Variants in UBE2J2 observed in about 807,000 individuals in gnomAD.
UBE2J2 encodes ubiquitin conjugating enzyme E2 J2.
UBE2J2 carries 5 observed loss-of-function variants against 28.6 expected under a neutral mutation model. The observed-to-expected ratio is 0.17, with a 90% CI of 0.09 to 0.37. The LOEUF (loss-of-function observed/expected upper bound fraction) is 0.37. Among genes scored for constraint, UBE2J2 ranks in the 10% least tolerant of loss-of-function variants. UBE2J2 has a pLI of 1.00. For missense variants in UBE2J2, 226 were observed against 338.9 expected, an observed-to-expected ratio of 0.67 and a Z score of 2.62; for synonymous variants, 138 against 139.7, an observed-to-expected ratio of 0.99 and a Z score of 0.09.
intron 2 of UBE2J2, chr1:1,267,643 T>G (rs1220954857): frequency 4.1e-6 from 5 of 1,222,476 alleles, no homozygotes; most frequent in Non-Finnish European, 5.3e-6. Flanking sequence ...AGCCCCAGCC[T>G]GAGTCAAGCA....
intron 2 of UBE2J2, among the ~76,000 whole-genome samples, chr1:1,267,554 C>T (rs1001714214): frequency 3.9e-5 from 6 of 152,214 alleles, no homozygotes; most frequent in Non-Finnish European, 7.3e-5. Flanking sequence ...GGACCCCACA[C>T]CAGAGACTCT....
At chr1:1,272,786 G>C in intron 1 of UBE2J2, 1 of 158,018 alleles carries the variant, frequency 6.3e-6, no homozygotes, top group South Asian at 1.4e-4. Context: ...ATGACGGACT[G>C]CAAGTTCCGG....
intron 2 of UBE2J2, among the ~76,000 whole-genome samples, chr1:1,265,564 C>CGTGTGTGTGTGTGTGTGT (rs112951404): frequency 1.1e-4 from 16 of 143,236 alleles, no homozygotes; most frequent in African/African-American, 3.9e-4. Flanking sequence ...AGTTTTCTCT[C>CGTGTGTGTGTGTGTGTGT]GTGTGTGTGT....
chr1:1,259,684 G>A (rs949596259), intron 3 of UBE2J2, among the ~76,000 whole-genome samples: 5 of 152,036 alleles, frequency 3.3e-5, no homozygotes, highest in African/African-American at 4.8e-5. Flanking sequence ...CCAGACGCCC[G>A]CCCTACGCAC....
At chr1:1,263,198 C>T (rs188541999) in intron 3 of UBE2J2, 148 bp downstream of exon 3, 9,323 of 729,128 alleles carry the variant, frequency 0.013, 116 homozygotes, top group South Asian at 0.032. Flanking sequence ...GAGAAGCAGA[C>T]GAGGAGGAGT....
intron 3 of UBE2J2, among the ~76,000 whole-genome samples, chr1:1,260,994 C>T (rs72894077): frequency 0.039 from 5,950 of 152,250 alleles, 205 homozygotes; most frequent in African/African-American, 0.092. Flanking sequence ...AGAACAGCCA[C>T]GGAACCCAGT....
chr1:1,263,876 C>T (rs917121259), intron 2 of UBE2J2, among the ~76,000 whole-genome samples: 3 of 151,944 alleles, frequency 2.0e-5, no homozygotes, highest in African/African-American at 2.4e-5. Context: ...GCCTGCAGCC[C>T]GCCTACTCAG....
chr1:1,269,907 GTCCC>G (rs1257384365), intron 1 of UBE2J2, among the ~76,000 whole-genome samples: 1 of 152,124 alleles, frequency 6.6e-6, no homozygotes, highest in Non-Finnish European at 1.5e-5. Flanking sequence ...CTTTGGCTAT[GTCCC>G]CACCCAAATC....
chr1:1,255,239 C>A lies in UBE2J2; in HGVS notation c.744G>T (p.Thr248=), dbSNP rs778450885. Residue 248 remains threonine, a synonymous_variant, in exon 7 of 7, where the codon ACG becomes ACT. Coordinates refer to ENST00000349431, the MANE Select transcript of UBE2J2 (RefSeq NM_058167.3). ...CGATGCTCCTCAGCACGTACTTGACCGTGTAAGCAAAGGCTGCAAACCCAA... is the reference window on the plus strand; with the variant it reads ...CGATGCTCCTCAGCACGTACTTGACAGTGTAAGCAAAGGCTGCAAACCCAA... The part of the protein sequence containing the change: ...VIVGFAAFAY[T]VKYVLRSIAQ... 2 of 1,611,394 alleles carry A rather than the reference C, an allele frequency of 1.2e-6. No homozygotes were observed. Among genetic ancestry groups the A allele is most frequent in the Non-Finnish European group, 8.5e-7 (1 of 1,178,414 alleles).
chr1:1,255,625 G>C, intron 6 of UBE2J2, 138 bp from the exon 7 acceptor site: 1 of 1,092,566 alleles, frequency 9.2e-7, no homozygotes, highest in Non-Finnish European at 1.3e-6. Context: ...CCATCTCACA[G>C]GTGAGGGCCC....
Position 1,255,304 on chromosome 1 carries a change from C to T in UBE2J2, c.679G>A (p.Gly227Arg), listed in dbSNP as rs1639104151. 1 of 1,613,588 alleles carries T rather than the reference C, an allele frequency of 6.2e-7. No homozygotes were observed. ...AGLQQANRHH[G>R]LLGGALANLF... ...TTCGCCAGGGCGCCACCCAGGAGTC[C>T]GTGGTGCCGGTTGGCCTGCTGGAGC... The change falls in exon 7 of 7, where the codon GGA becomes AGA. Residue 227 changes from glycine to arginine, a missense_variant. Coordinates refer to ENST00000349431, the MANE Select transcript of UBE2J2 (RefSeq NM_058167.3).
chr1:1,264,432 T>A (rs1017628859), intron 2 of UBE2J2, among the ~76,000 whole-genome samples: 1 of 152,120 alleles, frequency 6.6e-6, no homozygotes, highest in Non-Finnish European at 1.5e-5. Context: ...ACACCGGCCA[T>A]CATCTTTCCC....
In UBE2J2 at chr1:1,257,133, G is replaced by A. The variant is rs1570537834; in HGVS notation, c.276-3C>T. 5.0e-6 allele frequency: 8 copies of A among 1,609,816 alleles called. No individual in the cohort carries two copies. Among genetic ancestry groups the A allele is most frequent in the Non-Finnish European group, 6.8e-6 (8 of 1,177,618 alleles). ...AATCCGTGATAGAAAGACACAGCCT[G>A]CAAAACGGGGGCCCCGTCAGTGCAC... On this transcript the variant is annotated splice_polypyrimidine_tract_variant and splice_region_variant and intron_variant, in intron 4 of 6. Transcript: ENST00000349431.
Position 1,268,113 on chromosome 1 carries a change from G to C in UBE2J2, c.1-121C>G. 7.2e-7 allele frequency: 1 copy of C among 1,382,246 alleles called. No individual in the cohort carries two copies. The highest frequency in any genetic ancestry group is 1.0e-6 in the Non-Finnish European group (1 of 999,550). 85.6% of individuals were successfully genotyped at this position (1,382,246 alleles called of 1,614,324 possible). On this transcript the variant is annotated intron_variant, in intron 1 of 6. Transcript: ENST00000349431. This position sits in a 1 kb window ranked among gnomAD's most constrained non-coding sequence, Gnocchi z 4.7. Reference sequence around the variant, plus strand: ...TTCATTCAGGGCCCGGTCACCCAGAGTCACAGCTCACAGGTCACCCTCGCT... The same window carrying C: ...TTCATTCAGGGCCCGGTCACCCAGACTCACAGCTCACAGGTCACCCTCGCT...
chr1:1,255,490 AAG>A lies in UBE2J2; in HGVS notation c.496-5_496-4del. On this transcript the variant is annotated splice_region_variant and splice_polypyrimidine_tract_variant and intron_variant, in intron 6 of 6. Transcript: ENST00000349431. ...GCTTTCTGTTTTTGTTTAATCTCCT[AAG>A]AGAAAAACAGCGAGAAAAGCAGCTG... 6.2e-7 allele frequency: 1 copy of A among 1,602,838 alleles called. No homozygotes were observed. Among genetic ancestry groups the A allele is most frequent in the Non-Finnish European group, 8.5e-7 (1 of 1,171,704 alleles).
At chr1:1,273,297 CT>C (rs2100276322) in intron 1 of UBE2J2, 1 of 152,364 alleles carries the variant, frequency 6.6e-6, no homozygotes, top group South Asian at 2.1e-4. Flanking sequence ...AGTCTGGAGT[CT>C]AACAGTTCAG....
At position 1,255,182 on chromosome 1, in the gene UBE2J2, TTGGGTCTCGGCGCC is replaced by T; in HGVS notation, c.*7_*20del. ...GGTGCGCGGTGCCCTCAGTGGCGCCTTGGGTCTCGGCGCCTGGGCCTCACTCCTGCGCGATGCTC... is the reference window on the plus strand; with the variant it reads ...GGTGCGCGGTGCCCTCAGTGGCGCCTTGGGCCTCACTCCTGCGCGATGCTC... On this transcript the variant is annotated 3_prime_UTR_variant, in exon 7 of 7. Coordinates refer to ENST00000349431, the MANE Select transcript of UBE2J2 (RefSeq NM_058167.3). 1.3e-6 allele frequency: 2 copies of T among 1,563,646 alleles called. No individual in the cohort carries two copies. Among genetic ancestry groups the T allele is most frequent in the Non-Finnish European group, 1.7e-6 (2 of 1,150,530 alleles).
chr1:1,268,058 C>T lies in UBE2J2; in HGVS notation c.1-66G>A. The T allele has an allele frequency of 6.3e-7, 1 of 1,584,480 alleles. No homozygotes were observed. The highest frequency in any genetic ancestry group is 8.6e-7 in the Non-Finnish European group (1 of 1,162,086). On this transcript the variant is annotated intron_variant, in intron 1 of 6. Transcript: ENST00000349431. The surrounding 1 kb of genome is among the most constrained non-coding windows in gnomAD (Gnocchi z 4.7). ...CCGGCCACAGCTCTCTCCCCTGGCG[C>T]AGCCCCACTCCCGCCTCTGCAGCCC...
chr1:1,258,328 A>C (rs1054837886), intron 3 of UBE2J2, among the ~76,000 whole-genome samples: 1 of 151,230 alleles, frequency 6.6e-6, no homozygotes, highest in Non-Finnish European at 1.5e-5. Flanking sequence ...GGCGTGAGCC[A>C]CCTCCCCCAG....
Sources: gnomAD v4.1 joint callset for allele counts (sites outside exome capture counted in the v4.1 genomes callset) on GRCh38, gnomAD v4.1.1 for gene constraint, Gnocchi (gnomAD v3.1) non-coding constraint, MANE v1.5 for transcripts, NCBI Gene and HGNC (gene_info 2026-07-23, HGNC 2026-07-21) for gene names.